The following EFHC2 variants were observed in gnomAD, a reference collection of about 807,000 sequenced individuals.
EFHC2 encodes the protein EF-hand domain-containing family member C2.
In EFHC2, 18 loss-of-function variants were observed where a neutral mutation model predicts 52.7. That is an observed-to-expected ratio of 0.34 (90% CI 0.24 to 0.51). The LOEUF is 0.51. Ranked by LOEUF, EFHC2 falls within the 20% of genes least tolerant of loss-of-function variation. EFHC2 has a pLI of 0.97. For missense variants in EFHC2, 513 were observed against 562.5 expected (o/e 0.91, Z 0.89); for synonymous variants, 203 against 204.1 (o/e 0.99, Z 0.04).
chrX:44,334,872 G>A (rs1245405960), intron 1 of EFHC2, among the ~76,000 whole-genome samples: 1 of 112,267 alleles, frequency 8.9e-6, no homozygotes, highest in East Asian at 2.8e-4. Context: ...CTCCCACACT[G>A]TCAGCTGCTT....
In EFHC2 at chrX:44,180,534, G is replaced by A. The variant is rs889212281; in HGVS notation, c.1752-1970C>T. On this transcript the variant is annotated intron_variant, in intron 11 of 14. Transcript: ENST00000420999. ...AGATGGGCAGATCGCCTGAGGTCAGGAGTTGAGATCAGCCTGGCACATGGT... is the reference window on the plus strand; with the variant it reads ...AGATGGGCAGATCGCCTGAGGTCAGAAGTTGAGATCAGCCTGGCACATGGT... Among the ~76,000 whole-genome samples, 10 of 111,738 alleles carry A rather than the reference G, an allele frequency of 8.9e-5. No individual in the cohort carries two copies. In the East Asian group the frequency reaches 2.3e-3, roughly 25 times the overall value.
intron 1 of EFHC2, among the ~76,000 whole-genome samples, chrX:44,319,856 C>T (rs2038006840): frequency 8.9e-6 from 1 of 112,427 alleles, no homozygotes; most frequent in Non-Finnish European, 1.9e-5. Flanking sequence ...ATGTATGCTT[C>T]TAAAGTTTCA....
At chrX:44,263,411 T>A (rs772681537) in intron 3 of EFHC2, among the ~76,000 whole-genome samples, 9 of 112,283 alleles carry the variant, frequency 8.0e-5, no homozygotes, top group Non-Finnish European at 1.5e-4. Context: ...ATTCTACTTA[T>A]CATCTTTTCA....
intron 11 of EFHC2, among the ~76,000 whole-genome samples, chrX:44,192,718 G>A (rs746577659): frequency 9.1e-6 from 1 of 109,883 alleles, no homozygotes; most frequent in South Asian, 4.0e-4. Context: ...TAGTTCTCTG[G>A]TTTATTACCA....
chrX:44,217,633 T>C (rs1190138980), intron 11 of EFHC2, among the ~76,000 whole-genome samples: 1 of 111,115 alleles, frequency 9.0e-6, no homozygotes, highest in Non-Finnish European at 1.9e-5. Context: ...TTGTGGGATC[T>C]ACAAGTCAAA....
intron 13 of EFHC2, 25 bp downstream of exon 13, chrX:44,176,267 T>C: frequency 8.9e-7 from 1 of 1,126,837 alleles, no homozygotes; most frequent in African/African-American, 1.8e-5. Flanking sequence ...GGACAATCCC[T>C]ATCAAGAGTG....
intron 1 of EFHC2, among the ~76,000 whole-genome samples, chrX:44,314,307 G>C (rs995381460): frequency 3.6e-5 from 4 of 112,485 alleles, no homozygotes; most frequent in African/African-American, 1.3e-4. Context: ...GCCCAGGACT[G>C]TATATAGCCA....
At chrX:44,247,975 C>T (rs1162909669) in intron 7 of EFHC2, among the ~76,000 whole-genome samples, 1 of 111,531 alleles carries the variant, frequency 9.0e-6, no homozygotes, top group African/African-American at 3.3e-5. Flanking sequence ...AACATTTACC[C>T]CCCCAGCATC....
chrX:44,190,702 G>GGGGA (rs2036913195), intron 11 of EFHC2, among the ~76,000 whole-genome samples: 3 of 106,653 alleles, frequency 2.8e-5, no homozygotes. Flanking sequence ...TGTTGATGGG[G>GGGGA]AAAAAAAAAT....
intron 13 of EFHC2, among the ~76,000 whole-genome samples, chrX:44,171,420 T>A (rs980463742): frequency 9.0e-6 from 1 of 111,485 alleles, no homozygotes; most frequent in Non-Finnish European, 1.9e-5. Context: ...CCTCATCATT[T>A]AGGGGAATGG....
At chrX:44,219,046 A>G (rs181944023) in intron 11 of EFHC2, among the ~76,000 whole-genome samples, 4 of 109,630 alleles carry the variant, frequency 3.6e-5, no homozygotes, top group East Asian at 5.7e-4. Flanking sequence ...AATACGAATG[A>G]ATCTCAAAAT....
At chrX:44,247,746 CA>C (rs1415358022) in intron 7 of EFHC2, among the ~76,000 whole-genome samples, 28 of 111,498 alleles carry the variant, frequency 2.5e-4, no homozygotes, top group African/African-American at 9.1e-4. Flanking sequence ...GGTGCTTAAT[CA>C]ATCACTCATT....
chrX:44,189,198 A>G (rs1390974166), intron 11 of EFHC2, among the ~76,000 whole-genome samples: 1 of 110,470 alleles, frequency 9.1e-6, no homozygotes, highest in Non-Finnish European at 1.9e-5. Flanking sequence ...TGTTAATAAC[A>G]GGCACAGACA....
At chrX:44,266,424 T>A (rs1216946727) in intron 3 of EFHC2, among the ~76,000 whole-genome samples, 2 of 109,626 alleles carry the variant, frequency 1.8e-5, no homozygotes. Context: ...GCAACCTCCG[T>A]CTCCCAGGTT....
chrX:44,281,003 T>G (rs994109870), intron 2 of EFHC2, among the ~76,000 whole-genome samples: 4 of 111,397 alleles, frequency 3.6e-5, no homozygotes, highest in Admixed American at 9.6e-5. Context: ...CACTGCAACC[T>G]CTGCCTCCCG....
Position 44,232,622 on chromosome X carries a change from T to G in EFHC2, c.1479A>C (p.Glu493Asp). The part of the protein sequence containing the change: ...KRSRVKKPGQ[E>D]VFKSELSEYI... ...ATTCAGATAGTTCACTTTTAAAGAC[T>G]TCTTGTCCAGGCTTCTTAACGCGAC... is the stretch of plus-strand genomic sequence containing the variant. Residue 493 changes from glutamate (E) to aspartate (D), a missense_variant, in exon 10 of 15, where the codon GAA (glutamate) becomes GAC (aspartate). Coordinates refer to ENST00000420999, the MANE Select transcript of EFHC2 (RefSeq NM_025184.4). 1 of 1,199,295 alleles carries G rather than the reference T, an allele frequency of 8.3e-7. No individual in the cohort carries two copies. The highest frequency in any genetic ancestry group is 1.8e-5 in the South Asian group (1 of 54,655).
At chrX:44,157,741 C>G (rs991263616) in intron 14 of EFHC2, among the ~76,000 whole-genome samples, 1 of 69,848 alleles carries the variant, frequency 1.4e-5, no homozygotes, top group African/African-American at 7.4e-5. Flanking sequence ...GCTCCACCCC[C>G]CTCCCCGCCC....
At chrX:44,322,992 G>A (rs2038031234) in intron 1 of EFHC2, among the ~76,000 whole-genome samples, 1 of 110,677 alleles carries the variant, frequency 9.0e-6, no homozygotes, top group South Asian at 3.9e-4. Context: ...CAGCCTGGGT[G>A]ACAGAGCAAG....
At chrX:44,212,308 T>C (rs2037105973) in intron 11 of EFHC2, among the ~76,000 whole-genome samples, 2 of 111,904 alleles carry the variant, frequency 1.8e-5, no homozygotes, top group African/African-American at 6.5e-5. Context: ...GAGCCTGCAC[T>C]TAAGTGAATT....
Sources: gnomAD v4.1 joint callset for allele counts (sites outside exome capture counted in the v4.1 genomes callset) on GRCh38, gnomAD v4.1.1 for gene constraint, MANE v1.5 for transcripts, NCBI Gene and HGNC (gene_info 2026-07-23, HGNC 2026-07-21) for gene names.